CPAP: variants seen among roughly 807,000 people sequenced by gnomAD.
CPAP encodes the protein centrosome assembly and centriole elongation protein, also known as centrosomal P4.1-associated protein.
the CPAP span, among the ~76,000 whole-genome samples, chr13:24,889,633 A>G: frequency 3.9e-5 from 6 of 152,172 alleles, no homozygotes; most frequent in Non-Finnish European, 4.4e-5. Context: ...GTTAGGACAC[A>G]GTAGGCAAGG....
the CPAP span, chr13:24,906,069 G>A: frequency 5.0e-6 from 8 of 1,613,616 alleles, no homozygotes; most frequent in Non-Finnish European, 5.9e-6. Context: ...GAATGAAGTT[G>A]TTTGGGTGCG....
At chr13:24,886,574 CA>C in the CPAP span, among the ~76,000 whole-genome samples, 3 of 152,206 alleles carry the variant, frequency 2.0e-5, no homozygotes, top group Admixed American at 2.0e-4. Context: ...TGGGAGTACA[CA>C]GGGGTTTAGG....
chr13:24,896,805 G>A, the CPAP span, among the ~76,000 whole-genome samples: 1 of 152,156 alleles, frequency 6.6e-6, no homozygotes, highest in Non-Finnish European at 1.5e-5. Flanking sequence ...AACACAGCAA[G>A]GTTATCTCTA....
At chr13:24,906,919 T>C in the CPAP span, 8 of 1,613,920 alleles carry the variant, frequency 5.0e-6, no homozygotes, top group African/African-American at 1.3e-5. Context: ...TTAAAAATGG[T>C]TGTTTTGGTT....
At chr13:24,883,869 A>G in the CPAP span, 4 of 1,420,300 alleles carry the variant, frequency 2.8e-6, no homozygotes, top group African/African-American at 4.2e-5. Flanking sequence ...TGGGTGTCAC[A>G]TATCATCAGA....
chr13:24,913,577 C>T, the CPAP span, among the ~76,000 whole-genome samples: 1 of 152,158 alleles, frequency 6.6e-6, no homozygotes, highest in Non-Finnish European at 1.5e-5. Flanking sequence ...TCTCTCGTCT[C>T]CCTACTAACA....
At chr13:24,910,158 C>T in the CPAP span, 23 of 1,383,870 alleles carry the variant, frequency 1.7e-5, no homozygotes, top group Non-Finnish European at 1.9e-5. Context: ...AGTAGTGACC[C>T]CCACCCCACA....
At chr13:24,904,693 A>G in the CPAP span, among the ~76,000 whole-genome samples, 3 of 152,212 alleles carry the variant, frequency 2.0e-5, no homozygotes, top group Non-Finnish European at 2.9e-5. Flanking sequence ...TTTTGCTTCT[A>G]TGCTTTTTAA....
the CPAP span, among the ~76,000 whole-genome samples, chr13:24,930,246 A>G: frequency 1.3e-5 from 2 of 151,906 alleles, no homozygotes; most frequent in African/African-American, 4.8e-5. Flanking sequence ...GGTTCTTTTC[A>G]GTTCCATAAT....
At chr13:24,897,056 A>C in the CPAP span, among the ~76,000 whole-genome samples, 1 of 152,186 alleles carries the variant, frequency 6.6e-6, no homozygotes, top group Non-Finnish European at 1.5e-5. Context: ...AGAGAACAAA[A>C]AACACTCTAA....
chr13:24,893,858 T>C, the CPAP span, among the ~76,000 whole-genome samples: 1 of 152,170 alleles, frequency 6.6e-6, no homozygotes, highest in Non-Finnish European at 1.5e-5. Context: ...CAGGCCCTTA[T>C]TATACTAAGA....
chr13:24,884,234 A>G, the CPAP span: 3 of 1,614,174 alleles, frequency 1.9e-6, no homozygotes, highest in East Asian at 2.2e-5. Flanking sequence ...GGGCAGCTGC[A>G]TAGTAGTAGA....
the CPAP span, among the ~76,000 whole-genome samples, chr13:24,888,144 G>A: frequency 3.3e-5 from 5 of 152,028 alleles, no homozygotes; most frequent in East Asian, 1.9e-4. Context: ...ATGCAAAAGC[G>A]CATAGAAGAA....
the CPAP span, among the ~76,000 whole-genome samples, chr13:24,910,668 T>C: frequency 6.6e-6 from 1 of 152,252 alleles, no homozygotes; most frequent in East Asian, 1.9e-4. Flanking sequence ...AACTGCTCCA[T>C]GACTGCATGA....
chr13:24,932,024 C>G, the CPAP span, among the ~76,000 whole-genome samples: 1 of 152,230 alleles, frequency 6.6e-6, no homozygotes, highest in Non-Finnish European at 1.5e-5. Flanking sequence ...CAATTCTGGG[C>G]GCCTTCTGGC....
the CPAP span, chr13:24,904,198 T>G: frequency 1.0e-6 from 1 of 977,688 alleles, no homozygotes. Context: ...GCTTCAAACA[T>G]GAAAAGGAAA....
chr13:24,896,527 C>A, the CPAP span, among the ~76,000 whole-genome samples: 5 of 152,250 alleles, frequency 3.3e-5, no homozygotes. Flanking sequence ...GGGATAAGAG[C>A]TAGCAGCCTG....
At chr13:24,883,388 A>G in the CPAP span, 9 of 1,552,212 alleles carry the variant, frequency 5.8e-6, no homozygotes, top group African/African-American at 4.1e-5. Context: ...TTTAAAAAAA[A>G]TATGATTTCT....
At chr13:24,912,722 T>C in the CPAP span, 5 of 1,614,212 alleles carry the variant, frequency 3.1e-6, no homozygotes, top group South Asian at 1.1e-5. Flanking sequence ...CCCTTTTTAA[T>C]GCAAGGAAAG....
Sources: gnomAD v4.1 joint callset for allele counts (sites outside exome capture counted in the v4.1 genomes callset) on GRCh38, gnomAD v4.1.1 for gene constraint, MANE v1.5 for transcripts, NCBI Gene and HGNC (gene_info 2026-07-23, HGNC 2026-07-21) for gene names.